KCNN2: variants seen among roughly 807,000 people sequenced by gnomAD.
KCNN2 encodes the protein small conductance calcium-activated potassium channel protein 2.
Under a neutral mutation model 55.5 loss-of-function variants are expected in KCNN2, and 24 were observed. The ratio of observed to expected loss-of-function variants is 0.43; its 90% CI spans 0.31 to 0.61. The LOEUF is 0.61. KCNN2 is among the 20% of genes least tolerant of loss of function. The probability of loss-of-function intolerance (pLI) is 0.08; values close to 1 mark genes in which losing one functional copy is unlikely to be tolerated. For synonymous variants in KCNN2, 431 were observed against 336.1 expected, an observed-to-expected ratio of 1.28 and a Z score of -3.09; for missense variants, 754 against 853.6, an observed-to-expected ratio of 0.88 and a Z score of 1.45.
chr5:114,295,081 T>A (rs1755977964), intron 2 of KCNN2, among the ~76,000 whole-genome samples: 1 of 152,132 alleles, frequency 6.6e-6, no homozygotes, highest in Non-Finnish European at 1.5e-5. Context: ...CTCAGAGGAG[T>A]ACCTGGCCGT....
intron 2 of KCNN2, among the ~76,000 whole-genome samples, chr5:114,235,076 G>A (rs1434204579): frequency 6.6e-6 from 1 of 152,160 alleles, no homozygotes; most frequent in African/African-American, 2.4e-5. Flanking sequence ...TCCCATATGA[G>A]AGCAAAGGAA....
chr5:114,094,463 G>T (rs1434537191), intron 1 of KCNN2, among the ~76,000 whole-genome samples: 2 of 152,212 alleles, frequency 1.3e-5, no homozygotes, highest in African/African-American at 2.4e-5. Flanking sequence ...GTTTAAACAT[G>T]TGTTGGCTGG....
At chr5:114,481,352 CACAA>C (rs1254358108) in intron 5 of KCNN2, among the ~76,000 whole-genome samples, 1 of 152,148 alleles carries the variant, frequency 6.6e-6, no homozygotes, top group African/African-American at 2.4e-5. Context: ...TCAGAAAGGA[CACAA>C]ACAAATTGGG....
At chr5:114,226,605 C>T (rs954871310) in intron 2 of KCNN2, among the ~76,000 whole-genome samples, 3 of 152,020 alleles carry the variant, frequency 2.0e-5, no homozygotes, top group Non-Finnish European at 2.9e-5. Context: ...AAGCAACTGT[C>T]ATGTAAAGAA....
At chr5:114,157,440 A>G (rs561992437) in intron 1 of KCNN2, among the ~76,000 whole-genome samples, 2 of 152,134 alleles carry the variant, frequency 1.3e-5, no homozygotes, top group African/African-American at 2.4e-5. Flanking sequence ...AGTCTTTGCT[A>G]TTGTGAATAG....
intron 3 of KCNN2, among the ~76,000 whole-genome samples, chr5:114,439,623 C>G (rs952016671): frequency 2.0e-5 from 3 of 152,132 alleles, no homozygotes; most frequent in Non-Finnish European, 4.4e-5. Flanking sequence ...GATTCTAATG[C>G]ACCGCCAAGG....
chr5:114,354,895 A>C (rs1757270899), intron 2 of KCNN2, among the ~76,000 whole-genome samples: 1 of 152,210 alleles, frequency 6.6e-6, no homozygotes, highest in African/African-American at 2.4e-5. Context: ...ACAGAACAAA[A>C]GTGCTAATGG....
At chr5:114,215,234 G>C (rs1753977869) in intron 1 of KCNN2, among the ~76,000 whole-genome samples, 1 of 152,142 alleles carries the variant, frequency 6.6e-6, no homozygotes, top group Non-Finnish European at 1.5e-5. Flanking sequence ...AGAGTTGTCA[G>C]CTGTAACCAG....
chr5:114,104,471 T>A (rs923302795), intron 1 of KCNN2, among the ~76,000 whole-genome samples: 17 of 152,226 alleles, frequency 1.1e-4, no homozygotes, highest in African/African-American at 4.1e-4. Flanking sequence ...TTTGAATTTG[T>A]CTTTGCTTTG....
At chr5:114,358,060 G>A (rs180814139), upstream of KCNN2, among the ~76,000 whole-genome samples, 3 of 151,512 alleles carry the variant, frequency 2.0e-5, no homozygotes, top group African/African-American at 4.8e-5. Context: ...GTGATGATGA[G>A]CATTTTTTCA....
chr5:114,343,159 G>A (rs919021434), intron 2 of KCNN2, among the ~76,000 whole-genome samples: 1 of 152,154 alleles, frequency 6.6e-6, no homozygotes, highest in Non-Finnish European at 1.5e-5. Context: ...TTGATATGTA[G>A]TGGGTCAGGA....
chr5:114,142,477 C>G (rs985493668), intron 1 of KCNN2, among the ~76,000 whole-genome samples: 12 of 152,256 alleles, frequency 7.9e-5, no homozygotes, highest in Middle Eastern at 3.4e-3. Flanking sequence ...ACGCCATCAT[C>G]TCAGCCCAAA....
intron 6 of KCNN2, among the ~76,000 whole-genome samples, chr5:114,489,890 C>A (rs1747765137): frequency 6.6e-6 from 1 of 152,120 alleles, no homozygotes; most frequent in Non-Finnish European, 1.5e-5. Context: ...TTCGATAGAT[C>A]ACTCCTGGCC....
chr5:114,461,639 G>A (rs898355), intron 3 of KCNN2, among the ~76,000 whole-genome samples: 143,151 of 152,178 alleles, frequency 0.94, 67,966 homozygotes, highest in East Asian at 1. Context: ...TGTAAGATCT[G>A]CTGATATTGT....
At chr5:114,065,017 A>T (rs1580477789) in intron 1 of KCNN2, among the ~76,000 whole-genome samples, 1 of 152,146 alleles carries the variant, frequency 6.6e-6, no homozygotes, top group East Asian at 1.9e-4. Flanking sequence ...ATTTGATGTG[A>T]TGTGATACCA....
chr5:114,427,439 A>G (rs1432909884), intron 3 of KCNN2, among the ~76,000 whole-genome samples: 1 of 152,186 alleles, frequency 6.6e-6, no homozygotes, highest in East Asian at 1.9e-4. Context: ...GTGATAGATG[A>G]CGCAGACAGC....
chr5:114,214,373 A>G (rs1437138819), intron 1 of KCNN2, among the ~76,000 whole-genome samples: 1 of 152,016 alleles, frequency 6.6e-6, no homozygotes, highest in Admixed American at 6.6e-5. Flanking sequence ...TTAGATGATG[A>G]TAATTTTTTT....
chr5:114,255,492 C>A (rs530291787), intron 2 of KCNN2, among the ~76,000 whole-genome samples: 1 of 152,030 alleles, frequency 6.6e-6, no homozygotes, highest in South Asian at 2.1e-4. Context: ...AGAGAGGTAG[C>A]GGTGAGAGAG....
intron 1 of KCNN2, among the ~76,000 whole-genome samples, chr5:114,157,724 T>G (rs1367876436): frequency 6.6e-6 from 1 of 152,198 alleles, no homozygotes; most frequent in Non-Finnish European, 1.5e-5. Context: ...GGTATCTCAT[T>G]ATGGTTTTGA....
Sources: allele counts gnomAD v4.1 joint callset (sites outside exome capture counted in the v4.1 genomes callset), GRCh38; gene constraint gnomAD v4.1.1; transcripts MANE v1.5; gene names NCBI Gene and HGNC (gene_info 2026-07-23, HGNC 2026-07-21).